RBFOX3: variants seen among roughly 807,000 people sequenced by gnomAD.
RBFOX3 encodes the protein RNA binding fox-1 homolog 3.
RBFOX3 carries 17 observed loss-of-function variants against 48.7 expected under a neutral mutation model. The ratio of observed to expected loss-of-function variants is 0.35; its 90% CI spans 0.24 to 0.52. The LOEUF (loss-of-function observed/expected upper bound fraction) is 0.52, where lower values mean the gene tolerates loss of function less well. Ranked by LOEUF, RBFOX3 falls within the 20% of genes least tolerant of loss-of-function variation. The pLI, the probability that RBFOX3 is intolerant of heterozygous loss-of-function variation, is 0.94. For synonymous variants in RBFOX3, 212 were observed against 209.5 expected (o/e 1.01, Z -0.10); for missense variants, 382 against 497.5 (o/e 0.77, Z 2.21).
intron 1 of RBFOX3, among the ~76,000 whole-genome samples, chr17:79,488,692 T>C (rs1418849309): frequency 1.3e-5 from 2 of 152,314 alleles, no homozygotes; most frequent in East Asian, 1.9e-4. Context: ...TTCCGGACAT[T>C]CAACAAGGTA....
At chr17:79,577,512 C>T (rs2092903828) in intron 1 of RBFOX3, among the ~76,000 whole-genome samples, 1 of 152,206 alleles carries the variant, frequency 6.6e-6, no homozygotes, top group Non-Finnish European at 1.5e-5. Flanking sequence ...AAGAAATAAA[C>T]TCAAAGGCCA....
In RBFOX3 at chr17:79,477,817, C is replaced by T. The variant is rs1426997080; in HGVS notation, c.-175+4637G>A. The stretch of plus-strand genomic sequence containing the variant: ...AAAGGAATCACAGAAGTTTTTAGGA[C>T]CCAAGTCTCCAAAGACTGGCTCAAA... On this transcript the variant is annotated intron_variant, in intron 2 of 14. Transcript: ENST00000693108. The surrounding 1 kb of genome is among the most constrained non-coding windows in gnomAD (Gnocchi z 4.8). Among the ~76,000 whole-genome samples, 1 of 152,130 alleles carries T rather than the reference C, an allele frequency of 6.6e-6. No individual in the cohort carries two copies. The highest frequency in any genetic ancestry group is 1.5e-5 in the Non-Finnish European group (1 of 68,022).
intron 1 of RBFOX3, among the ~76,000 whole-genome samples, chr17:79,577,413 A>G (rs1438239518): frequency 2.0e-5 from 3 of 152,330 alleles, no homozygotes; most frequent in African/African-American, 4.8e-5. Context: ...GGCAGACTCA[A>G]TTCGGCAGGG....
chr17:79,260,194 G>A (rs541222656), intron 3 of RBFOX3, among the ~76,000 whole-genome samples: 2 of 152,204 alleles, frequency 1.3e-5, no homozygotes, highest in African/African-American at 2.4e-5. Flanking sequence ...GAGGTGGAAT[G>A]GGAGCCTGCC....
At chr17:79,297,079 G>T (rs1367600202) in intron 3 of RBFOX3, among the ~76,000 whole-genome samples, 1 of 151,460 alleles carries the variant, frequency 6.6e-6, no homozygotes, top group Non-Finnish European at 1.5e-5. Context: ...TGCTCTGTGT[G>T]CGTTCATTTT....
Position 79,482,130 on chromosome 17 carries a change from G to A in RBFOX3, c.-175+324C>T, listed in dbSNP as rs1598884676. On this transcript the variant is annotated intron_variant, in intron 2 of 14. Coordinates refer to ENST00000693108, the MANE Select transcript of RBFOX3 (RefSeq NM_001350451.2). This position sits in a 1 kb window ranked among gnomAD's most constrained non-coding sequence, Gnocchi z 4.1. The stretch of plus-strand genomic sequence containing the variant: ...TCAGGCCCTGACTTTGGACTCTATG[G>A]CATCTTTGTTGACACCAGACAGTGG... 6.6e-6 allele frequency among the ~76,000 whole-genome samples: 1 copy of A among 152,094 alleles called. No homozygotes were observed. The highest frequency in any genetic ancestry group is 1.9e-4 in the East Asian group (1 of 5,186).
chr17:79,506,832 G>C lies in RBFOX3; in HGVS notation c.-319-24234C>G, dbSNP rs943499935. On this transcript the variant is annotated intron_variant, in intron 1 of 14. Coordinates refer to ENST00000693108, the MANE Select transcript of RBFOX3 (RefSeq NM_001350451.2). ...TTCCGGCAGAACATGGAATCCTGAC[G>C]CAGCCCAGCTGGGAAGCTGGAACCC... 1.8e-4 allele frequency among the ~76,000 whole-genome samples: 28 copies of C among 152,278 alleles called. 1 individual carries two copies. In the East Asian group the frequency reaches 4.6e-3, roughly 25 times the overall value.
chr17:79,284,370 A>G (rs117415787), intron 3 of RBFOX3, among the ~76,000 whole-genome samples: 5,620 of 152,302 alleles, frequency 0.037, 145 homozygotes, highest in Non-Finnish European at 0.05. Context: ...ATGTTTTGTT[A>G]TTCCAAATCC....
the RBFOX3 span, among the ~76,000 whole-genome samples, chr17:79,647,108 G>A: frequency 1.3e-5 from 2 of 152,080 alleles, no homozygotes; most frequent in African/African-American, 4.8e-5. Flanking sequence ...TAGAATGAGT[G>A]AGAGGACTTC....
At chr17:79,352,029 G>A (rs2084039786) in intron 2 of RBFOX3, among the ~76,000 whole-genome samples, 1 of 152,064 alleles carries the variant, frequency 6.6e-6, no homozygotes, top group Admixed American at 6.5e-5. Flanking sequence ...CTGCATTCCT[G>A]GTGGAGCAAG....
At chr17:79,239,569 C>A (rs1426586847) in intron 3 of RBFOX3, among the ~76,000 whole-genome samples, 1 of 152,228 alleles carries the variant, frequency 6.6e-6, no homozygotes, top group African/African-American at 2.4e-5. Context: ...CTGCCCACTG[C>A]CCCCAGGAGA....
chr17:79,576,543 TTGGAGATGATGGACATGA>T (rs1599198974), intron 1 of RBFOX3, among the ~76,000 whole-genome samples: 2 of 134,982 alleles, frequency 1.5e-5, no homozygotes, highest in South Asian at 2.4e-4. Context: ...CATGGAGAAG[TTGGAGATGATGGACATGA>T]TGGAGATGAT....
chr17:79,130,422 G>A (rs575492171), intron 4 of RBFOX3, among the ~76,000 whole-genome samples: 14 of 152,336 alleles, frequency 9.2e-5, no homozygotes, highest in East Asian at 1.9e-4. Context: ...CCACCAAGTC[G>A]CATGCTCTGC....
In RBFOX3 at chr17:79,103,907, G is replaced by T. The variant is rs1229730474; in HGVS notation, c.414+166C>A. 6.6e-6 allele frequency among the ~76,000 whole-genome samples: 1 copy of T among 151,540 alleles called. No homozygotes were observed. The highest frequency in any genetic ancestry group is 1.9e-4 in the East Asian group (1 of 5,132). On this transcript the variant is annotated intron_variant, in intron 7 of 14. Coordinates refer to ENST00000693108, the MANE Select transcript of RBFOX3 (RefSeq NM_001350451.2). The surrounding 1 kb of genome is among the most constrained non-coding windows in gnomAD (Gnocchi z 6.1). The stretch of plus-strand genomic sequence containing the variant: ...GGCAGCAACAACACAGACAGCTGGG[G>T]TGGGGGCGGGGCGGGTGGGGGCGGA...
chr17:79,448,543 C>T lies in RBFOX3; in HGVS notation c.-175+33911G>A, dbSNP rs561730195. Among the ~76,000 whole-genome samples, 8 of 152,242 alleles carry T rather than the reference C, an allele frequency of 5.3e-5. No individual in the cohort carries two copies. The East Asian group carries it at 1.4e-3, about 26-fold the overall frequency. On this transcript the variant is annotated intron_variant, in intron 2 of 14. Transcript: ENST00000693108. Reference sequence around the variant, plus strand: ...CTCCAAGCCAAGGAACACCTGGGGCCGAGAAGCTGGAGGAGGCAGGATGGA... The same window carrying T: ...CTCCAAGCCAAGGAACACCTGGGGCTGAGAAGCTGGAGGAGGCAGGATGGA...
intron 1 of RBFOX3, among the ~76,000 whole-genome samples, chr17:79,498,560 T>C (rs2081919411): frequency 1.3e-5 from 2 of 148,420 alleles, no homozygotes; most frequent in Non-Finnish European, 3.0e-5. Context: ...CGTCTACTCA[T>C]GCACCTATCC....
chr17:79,251,274 G>A (rs1287246721), intron 3 of RBFOX3, among the ~76,000 whole-genome samples: 1 of 152,128 alleles, frequency 6.6e-6, no homozygotes, highest in African/African-American at 2.4e-5. Flanking sequence ...GCACCTCCTA[G>A]ATCTTACTAC....
chr17:79,498,136 A>C (rs2081831799), intron 1 of RBFOX3, among the ~76,000 whole-genome samples: 2 of 152,226 alleles, frequency 1.3e-5, no homozygotes, highest in Non-Finnish European at 2.9e-5. Context: ...GAGGCCTGGC[A>C]GAGAGAAGGC....
intron 1 of RBFOX3, among the ~76,000 whole-genome samples, chr17:79,500,818 G>A (rs2082286355): frequency 6.6e-6 from 1 of 152,208 alleles, no homozygotes; most frequent in Non-Finnish European, 1.5e-5. Context: ...AGCCCAGGAA[G>A]AATGACGTTG....
Sources: gnomAD v4.1 joint callset for allele counts (sites outside exome capture counted in the v4.1 genomes callset) on GRCh38, gnomAD v4.1.1 for gene constraint, Gnocchi (gnomAD v3.1) non-coding constraint, MANE v1.5 for transcripts, NCBI Gene and HGNC (gene_info 2026-07-23, HGNC 2026-07-21) for gene names.